The following PDE1A variants were observed in gnomAD, a reference collection of about 807,000 sequenced individuals.
PDE1A encodes the protein dual specificity calcium/calmodulin-dependent 3',5'-cyclic nucleotide phosphodiesterase 1A.
In PDE1A, 35 loss-of-function variants were observed where a neutral mutation model predicts 61.7. The observed-to-expected ratio is 0.57, with a 90% CI of 0.43 to 0.75. The LOEUF (loss-of-function observed/expected upper bound fraction) is 0.75, where lower values mean the gene tolerates loss of function less well. PDE1A is among the 30% of genes least tolerant of loss of function. The pLI is 0.00. For missense variants in PDE1A, 597 were observed against 630.6 expected, an observed-to-expected ratio of 0.95 and a Z score of 0.57; for synonymous variants, 232 against 213.2, an observed-to-expected ratio of 1.09 and a Z score of -0.77.
chr2:182,442,733 T>G (rs935253187), intron 2 of PDE1A, among the ~76,000 whole-genome samples: 1 of 152,084 alleles, frequency 6.6e-6, no homozygotes, highest in African/African-American at 2.4e-5. Flanking sequence ...TTGAAAATTT[T>G]TTTAAAACTT....
chr2:182,272,245 G>T (rs1693078374), intron 1 of PDE1A, among the ~76,000 whole-genome samples: 1 of 152,140 alleles, frequency 6.6e-6, no homozygotes, highest in East Asian at 1.9e-4. Flanking sequence ...ACCTCCCAAG[G>T]CCAGCTTCAT....
the PDE1A span, among the ~76,000 whole-genome samples, chr2:182,610,515 C>A: frequency 6.6e-6 from 1 of 151,768 alleles, no homozygotes; most frequent in Non-Finnish European, 1.5e-5. Context: ...CAAAAATCTT[C>A]TGTGGGTTAA....
At chr2:182,694,826 G>GGC in the PDE1A span, among the ~76,000 whole-genome samples, 5 of 88,132 alleles carry the variant, frequency 5.7e-5, no homozygotes, top group African/African-American at 1.7e-4. Flanking sequence ...AAAAAAAGGT[G>GGC]GGGGGGGGGC....
the PDE1A span, among the ~76,000 whole-genome samples, chr2:182,699,649 A>G: frequency 6.6e-6 from 1 of 152,340 alleles, no homozygotes; most frequent in South Asian, 2.1e-4. Context: ...AAATATTTCC[A>G]CCATGCTAAA....
the PDE1A span, among the ~76,000 whole-genome samples, chr2:182,665,554 A>G: frequency 1.3e-5 from 2 of 152,220 alleles, no homozygotes; most frequent in Non-Finnish European, 2.9e-5. Flanking sequence ...ATTATTAAAA[A>G]GTCAGGAAAC....
In PDE1A at chr2:182,172,192, C is replaced by T. The variant is rs58068458; in HGVS notation, c.1517-3902G>A. On this transcript the variant is annotated intron_variant, in intron 13 of 13. Coordinates refer to ENST00000351439, the Ensembl canonical transcript of PDE1A. ...TAATACTATTTCATTTATGTGGACT[C>T]ACCATTAATATCAGACTTCCACAAA... 7.5e-3 allele frequency among the ~76,000 whole-genome samples: 1,144 copies of T among 152,044 alleles called. 12 individuals carry two copies. Among genetic ancestry groups the T allele is most frequent in the African/African-American group, 0.025 (1,056 of 41,480 alleles).
chr2:182,400,334 C>G (rs1374221137), intron 1 of PDE1A, among the ~76,000 whole-genome samples: 1 of 152,182 alleles, frequency 6.6e-6, no homozygotes, highest in South Asian at 2.1e-4. Flanking sequence ...TGGCAAGACA[C>G]TTTCACATAT....
the PDE1A span, among the ~76,000 whole-genome samples, chr2:182,662,234 A>AT: frequency 6.6e-6 from 1 of 151,332 alleles, no homozygotes; most frequent in African/African-American, 2.4e-5. Context: ...AATATCCAAA[A>AT]AAAAGTTTGT....
chr2:182,225,463 C>T (rs569028313), intron 6 of PDE1A, among the ~76,000 whole-genome samples: 6 of 151,910 alleles, frequency 3.9e-5, no homozygotes, highest in Non-Finnish European at 7.4e-5. Flanking sequence ...CATAACCTAT[C>T]ATGATATTCG....
intron 2 of PDE1A, among the ~76,000 whole-genome samples, chr2:182,504,837 G>A (rs1689297870): frequency 6.6e-6 from 1 of 152,162 alleles, no homozygotes; most frequent in African/African-American, 2.4e-5. Flanking sequence ...ACACACCTTG[G>A]ACTTGAATGT....
chr2:182,622,136 G>A, the PDE1A span, among the ~76,000 whole-genome samples: 2 of 152,168 alleles, frequency 1.3e-5, no homozygotes, highest in Admixed American at 1.3e-4. Context: ...AAAGAAATGA[G>A]ACTATTTAGT....
chr2:182,168,064 C>T (rs1018323549), exon 14 of PDE1A: 13 of 1,289,120 alleles, frequency 1.0e-5, no homozygotes, highest in African/African-American at 3.1e-5. Flanking sequence ...CAGTTGAGCC[C>T]GGTGAATTAA....
In PDE1A at chr2:182,451,271, T is replaced by C. The variant is rs953112654; in HGVS notation, c.101+71005A>G. ...GCGGGCGCCTGTAGTCCCAGCTACT[T>C]GGGAGGCTGAGGCAGGAGAATGGCG... On this transcript the variant is annotated intron_variant, in intron 2 of 14. Coordinates refer to the PDE1A transcript ENST00000410103. 6.5e-5 allele frequency among the ~76,000 whole-genome samples: 4 copies of C among 61,344 alleles called. 2 individuals carry two copies. The highest frequency in any genetic ancestry group is 2.5e-4 in the African/African-American group (4 of 15,814). The allele number at this position is 61,344 out of a possible 152,430, so 40.2% of individuals were successfully genotyped here. A position where few individuals can be genotyped will look rare whatever the true frequency, so the allele number is the denominator to read the frequency against.
chr2:182,252,227 T>C (rs1691452945), intron 2 of PDE1A, among the ~76,000 whole-genome samples: 1 of 152,216 alleles, frequency 6.6e-6, no homozygotes, highest in South Asian at 2.1e-4. Flanking sequence ...CATTTTTATT[T>C]GCTTATTTTG....
At chr2:182,220,812 T>C (rs1022513093) in intron 7 of PDE1A, among the ~76,000 whole-genome samples, 5 of 151,994 alleles carry the variant, frequency 3.3e-5, no homozygotes, top group African/African-American at 1.2e-4. Context: ...ATGAATAATA[T>C]AAAATAAAAT....
intron 2 of PDE1A, among the ~76,000 whole-genome samples, chr2:182,451,772 C>T (rs1377985050): frequency 6.6e-6 from 1 of 152,066 alleles, no homozygotes; most frequent in African/African-American, 2.4e-5. Context: ...TGCAGTACCG[C>T]TTCCCATGCA....
At chr2:182,513,551 C>A (rs1689947284) in intron 2 of PDE1A, among the ~76,000 whole-genome samples, 1 of 152,186 alleles carries the variant, frequency 6.6e-6, no homozygotes, top group Admixed American at 6.5e-5. Flanking sequence ...CAAGTCTATA[C>A]AACAACCAGC....
intron 1 of PDE1A, among the ~76,000 whole-genome samples, chr2:182,272,835 A>G (rs1030785901): frequency 6.6e-6 from 1 of 152,188 alleles, no homozygotes; most frequent in African/African-American, 2.4e-5. Context: ...TCTAGGAGGA[A>G]GAAAGAAGTT....
intron 1 of PDE1A, among the ~76,000 whole-genome samples, chr2:182,411,502 T>C (rs991923389): frequency 4.6e-5 from 7 of 152,154 alleles, no homozygotes; most frequent in Non-Finnish European, 8.8e-5. Flanking sequence ...GGGGTATGTA[T>C]TTACTTCTGT....
Sources: allele counts gnomAD v4.1 joint callset (sites outside exome capture counted in the v4.1 genomes callset), GRCh38; gene constraint gnomAD v4.1.1; transcripts MANE v1.5; gene names NCBI Gene and HGNC (gene_info 2026-07-23, HGNC 2026-07-21).